Variants in NT5C1B observed in about 807,000 individuals in gnomAD.
NT5C1B encodes the protein cytosolic 5'-nucleotidase 1B.
In NT5C1B, 44 loss-of-function variants were observed where a neutral mutation model predicts 57.8. The ratio of observed to expected loss-of-function variants is 0.76; its 90% CI spans 0.60 to 0.98. The LOEUF is 0.98. NT5C1B is among the 50% of genes least tolerant of loss of function. The pLI, the probability that NT5C1B is intolerant of heterozygous loss-of-function variation, is 0.00. For missense variants in NT5C1B, 742 were observed against 719.5 expected (o/e 1.03, Z -0.36); for synonymous variants, 284 against 282.6 (o/e 1.00, Z -0.05).
At position 18,585,575 on chromosome 2, in the gene NT5C1B, G is replaced by GCA. The variant is rs1250572841; in HGVS notation, c.259-599_259-598dup. Among the ~76,000 whole-genome samples, 6 of 152,138 alleles carry GCA rather than the reference G, an allele frequency of 3.9e-5. No homozygotes were observed. In the East Asian group the frequency reaches 1.2e-3, roughly 29 times the overall value. Reference sequence around the variant, plus strand: ...CTTCAGAGCTCCTTGTGCCGGTGAAGCACAGTTACATAGAATCATCTTCCC... The same window carrying GCA: ...CTTCAGAGCTCCTTGTGCCGGTGAAGCACACAGTTACATAGAATCATCTTCCC... On this transcript the variant is annotated intron_variant, in intron 3 of 8. Transcript: ENST00000304081.
chr2:18,584,023 G>C lies in NT5C1B; in HGVS notation c.891+65C>G. 1 of 1,612,568 alleles carries C rather than the reference G, an allele frequency of 6.2e-7. No individual in the cohort carries two copies. The highest frequency in any genetic ancestry group is 8.5e-7 in the Non-Finnish European group (1 of 1,179,382). ...CTGGGAAATTGGATGCCCTCCCAAG[G>C]GTTGGCCTGGGTCCCTCCCTCGCCA... On this transcript the variant is annotated intron_variant, in intron 5 of 8. Coordinates refer to ENST00000304081, the Ensembl canonical transcript of NT5C1B. The surrounding 1 kb of genome is among the most constrained non-coding windows in gnomAD (Gnocchi z 5.8).
exon 7 of NT5C1B, chr2:18,576,881 G>C: frequency 6.2e-7 from 1 of 1,613,640 alleles, no homozygotes; most frequent in Non-Finnish European, 8.5e-7. Flanking sequence ...AGACAGAAGC[G>C]GTCAATCAGT....
rs753992498 is a variant in NT5C1B at position 18,564,145 on chromosome 2, T to C, written c.1330-26A>G. 7.9e-6 allele frequency: 12 copies of C among 1,517,516 alleles called. No individual in the cohort carries two copies. In the African/African-American group the frequency reaches 1.4e-4, roughly 18 times the overall value. 94.0% of individuals were successfully genotyped at this position (1,517,516 alleles called of 1,614,324 possible). A position where few individuals can be genotyped will look rare whatever the true frequency, so the allele number is the denominator to read the frequency against. On this transcript the variant is annotated intron_variant, in intron 8 of 8. Coordinates refer to ENST00000304081, the Ensembl canonical transcript of NT5C1B. ...CTGTAAAAGGAACATATATCACAGC[T>C]GTGATACAGTGAGCCAAAGAAAGTG...
chr2:18,562,929 G>A (rs1183476869), exon 9 of NT5C1B: 1 of 152,102 alleles, frequency 6.6e-6, no homozygotes, highest in Non-Finnish European at 1.5e-5. Flanking sequence ...AAAATAACCA[G>A]GTCACTGTGC....
chr2:18,563,222 GA>G (rs1240052513), exon 9 of NT5C1B: 2 of 152,110 alleles, frequency 1.3e-5, no homozygotes, highest in Non-Finnish European at 2.9e-5. Context: ...GCTTATCTTA[GA>G]AAGTACCCTG....
intron 3 of NT5C1B, chr2:18,585,182 T>G: frequency 1.2e-6 from 1 of 804,604 alleles, no homozygotes; most frequent in Non-Finnish European, 2.2e-6. Context: ...ACTGTCTGCT[T>G]TCATTCTCCC....
intron 1 of NT5C1B, 26 bp from the exon 2 acceptor site, chr2:18,587,618 A>G (rs760679408): frequency 4.4e-6 from 7 of 1,600,394 alleles, no homozygotes; most frequent in Non-Finnish European, 5.9e-6. Flanking sequence ...AAGAATGTTT[A>G]TTAATTTTTA....
Position 18,584,310 on chromosome 2 carries a change from G to C in NT5C1B, c.724-55C>G. ...GTCACATAGCCACGAAGAGGACAGG[G>C]TTGGGGCTCCTCCAGGGTAGGGTGA... On this transcript the variant is annotated intron_variant, in intron 4 of 8. Transcript: ENST00000304081. The surrounding 1 kb of genome is among the most constrained non-coding windows in gnomAD (Gnocchi z 5.8). 1 of 1,589,266 alleles carries C rather than the reference G, an allele frequency of 6.3e-7. No individual in the cohort carries two copies. The highest frequency in any genetic ancestry group is 1.2e-5 in the South Asian group (1 of 86,264).
At chr2:18,568,288 G>T (rs1664837787) in intron 8 of NT5C1B, among the ~76,000 whole-genome samples, 1 of 152,016 alleles carries the variant, frequency 6.6e-6, no homozygotes, top group African/African-American at 2.4e-5. Context: ...TTAAAGTGCT[G>T]GGAGAAACAC....
exon 2 of NT5C1B, chr2:18,587,545 T>A: frequency 6.2e-7 from 1 of 1,613,982 alleles, no homozygotes; most frequent in Non-Finnish European, 8.5e-7. Context: ...ATTCCTTTCT[T>A]TTTTCTGCTT....
intron 8 of NT5C1B, among the ~76,000 whole-genome samples, chr2:18,568,339 T>C (rs1377145100): frequency 6.6e-6 from 1 of 152,106 alleles, no homozygotes; most frequent in East Asian, 1.9e-4. Flanking sequence ...AAATAAAATA[T>C]TGTTTTAAAA....
In NT5C1B at chr2:18,576,248, T is replaced by C. The variant is rs755414667; in HGVS notation, c.1265A>G (p.Lys422Arg). 1.9e-6 allele frequency: 3 copies of C among 1,613,668 alleles called. No homozygotes were observed. In the Admixed American group the frequency reaches 5.0e-5, roughly 27 times the overall value. ...GAAGAATTTGTCGAGCCCATGCTCC[T>C]TGGTAAAATGTTCAGACTCATCAGA... The change falls in exon 8 of 9, where the codon AAG (lysine) becomes AGG (arginine). Residue 422 changes from lysine to arginine, a missense_variant. Physicochemically the swap from Lys to Arg is conservative, Grantham distance 26. Transcript: ENST00000304081.
At chr2:18,587,256 T>C (rs1451972295) in intron 2 of NT5C1B, 15 of 1,512,100 alleles carry the variant, frequency 9.9e-6, no homozygotes, top group Non-Finnish European at 1.2e-5. Flanking sequence ...GTCTCCCCCC[T>C]GTGTAGGCTG....
At chr2:18,563,723 A>G (rs1391057715) in exon 9 of NT5C1B, 2 of 1,391,410 alleles carry the variant, frequency 1.4e-6, no homozygotes, top group African/African-American at 2.9e-5. Flanking sequence ...TACCTATCTA[A>G]TTATCCTAGA....
chr2:18,574,726 G>C (rs994978166), intron 8 of NT5C1B, among the ~76,000 whole-genome samples: 2 of 152,022 alleles, frequency 1.3e-5, no homozygotes, highest in African/African-American at 2.4e-5. Context: ...ATAAATTCTA[G>C]AGATCTGCTG....
In NT5C1B at chr2:18,584,591, C is replaced by T. The variant is rs557329924; in HGVS notation, c.646G>A (p.Asp216Asn). Residue 216 changes from aspartate (D) to asparagine (N), a missense_variant, in exon 4 of 9, where the codon GAC (aspartate) becomes AAC (asparagine). Coordinates refer to ENST00000304081, the Ensembl canonical transcript of NT5C1B. This position sits in a 1 kb window ranked among gnomAD's most constrained non-coding sequence, Gnocchi z 5.8. ...GCCCAGTAGGCAGCCTCGTAGTCGT[C>T]CTCGTCCTCCCGCTGCTGCTGCTGC... is the stretch of plus-strand genomic sequence containing the variant. 3.7e-6 allele frequency: 6 copies of T among 1,612,516 alleles called. No homozygotes were observed. The highest frequency in any genetic ancestry group is 2.7e-5 in the African/African-American group (2 of 74,998).
At position 18,584,778 on chromosome 2, in the gene NT5C1B, C is replaced by T. The variant is rs1442072238; in HGVS notation, c.459G>A (p.Pro153=). The T allele has an allele frequency of 1.3e-5, 21 of 1,613,496 alleles. No homozygotes were observed. Among genetic ancestry groups the T allele is most frequent in the African/African-American group, 4.0e-5 (3 of 74,926 alleles). ...GCACGATGCCTTGGGCCCAGGCCTC[C>T]GGATTCTCTTGCATTTTGGTGCTGC... Residue 153 remains proline, a synonymous_variant, in exon 4 of 9, where the codon CCG becomes CCA. Transcript: ENST00000304081. This position sits in a 1 kb window ranked among gnomAD's most constrained non-coding sequence, Gnocchi z 5.8.
chr2:18,584,179 T>C lies in NT5C1B; in HGVS notation c.800A>G (p.Tyr267Cys). ...GTACTTTTCCAGACCCTCTTGCTCG[T>C]AGATTTTCCTGCCGTCCACCATGTT... The change falls in exon 5 of 9, where the codon TAC (tyrosine) becomes TGC (cysteine). Residue 267 changes from tyrosine (Y) to cysteine (C), a missense_variant. Transcript: ENST00000304081. The surrounding 1 kb of genome is among the most constrained non-coding windows in gnomAD (Gnocchi z 5.8). The C allele has an allele frequency of 6.2e-7, 1 of 1,614,094 alleles. No homozygotes were observed. Among genetic ancestry groups the C allele is most frequent in the Non-Finnish European group, 8.5e-7 (1 of 1,180,022 alleles).
chr2:18,586,491 A>G, intron 2 of NT5C1B, 100 bp from the exon 3 acceptor site: 2 of 1,523,992 alleles, frequency 1.3e-6, no homozygotes, highest in Admixed American at 2.0e-5. Context: ...ATATAGCAGC[A>G]CCCAGTGAGA....
Sources: gnomAD v4.1 joint callset for allele counts (sites outside exome capture counted in the v4.1 genomes callset) on GRCh38, gnomAD v4.1.1 for gene constraint, Gnocchi (gnomAD v3.1) non-coding constraint, MANE v1.5 for transcripts, NCBI Gene and HGNC (gene_info 2026-07-23, HGNC 2026-07-21) for gene names.